Variants in OSBPL9 observed in about 807,000 individuals in gnomAD.
The protein encoded by OSBPL9 is oxysterol binding protein like 9, also known as oxysterol-binding protein-related protein 9.
In OSBPL9, 40 loss-of-function variants were observed where a neutral mutation model predicts 106.6. That is an observed-to-expected ratio of 0.38 (90% CI 0.29 to 0.49). OSBPL9 has a LOEUF of 0.49. OSBPL9 is among the 20% of genes least tolerant of loss of function. The pLI is 0.97. For synonymous variants in OSBPL9, 269 were observed against 295.4 expected, an observed-to-expected ratio of 0.91 and a Z score of 0.92; for missense variants, 609 against 887.2, an observed-to-expected ratio of 0.69 and a Z score of 3.98.
rs555274723 is a variant in OSBPL9 at position 51,740,231 on chromosome 1, G to A, written c.319-5305G>A. ...ATAATTGTAAGTGATTGAATTGTAA[G>A]TATGCTCTATACTTCTTTCATTGGA... is the stretch of plus-strand genomic sequence containing the variant. On this transcript the variant is annotated intron_variant, in intron 4 of 23. Transcript: ENST00000428468. The A allele has an allele frequency of 2.6e-6, 4 of 1,529,142 alleles. No homozygotes were observed. The South Asian group carries it at 3.8e-5, about 14-fold the overall frequency. 94.7% of individuals were successfully genotyped at this position (1,529,142 alleles called of 1,614,324 possible).
intron 2 of OSBPL9, among the ~76,000 whole-genome samples, chr1:51,609,058 C>T (rs1336022599): frequency 6.6e-6 from 1 of 152,050 alleles, no homozygotes; most frequent in Non-Finnish European, 1.5e-5. Context: ...TTCCCCCTTC[C>T]TATCTGTTAA....
At chr1:51,555,862 C>A in the OSBPL9 span, among the ~76,000 whole-genome samples, 1 of 152,174 alleles carries the variant, frequency 6.6e-6, no homozygotes, top group Non-Finnish European at 1.5e-5. Flanking sequence ...TAAGCCACTG[C>A]GCCCAGCCAG....
intron 3 of OSBPL9, among the ~76,000 whole-genome samples, chr1:51,676,454 A>C (rs1163064916): frequency 6.6e-6 from 1 of 151,998 alleles, no homozygotes; most frequent in Non-Finnish European, 1.5e-5. Context: ...TTAATATAAA[A>C]TAAGAAACTT....
chr1:51,749,667 A>G, intron 7 of OSBPL9: 1 of 195,026 alleles, frequency 5.1e-6, no homozygotes, highest in Non-Finnish European at 1.2e-5. Flanking sequence ...AAGAATTCGT[A>G]AGTTAATCAG....
chr1:51,764,721 A>C (rs1169297951), intron 11 of OSBPL9, among the ~76,000 whole-genome samples: 1 of 152,050 alleles, frequency 6.6e-6, no homozygotes, highest in Non-Finnish European at 1.5e-5. Context: ...CTGAGACCAC[A>C]GGCACATGCC....
At chr1:51,622,075 T>C (rs1011826227) in intron 1 of OSBPL9, among the ~76,000 whole-genome samples, 1 of 152,126 alleles carries the variant, frequency 6.6e-6, no homozygotes, top group African/African-American at 2.4e-5. Flanking sequence ...AGGTTGCTTT[T>C]GATGGGATTT....
At chr1:51,712,647 TAAAAATAAAAAAGGA>T (rs1660302986) in intron 3 of OSBPL9, among the ~76,000 whole-genome samples, 1 of 152,114 alleles carries the variant, frequency 6.6e-6, no homozygotes, top group Non-Finnish European at 1.5e-5. Context: ...AAAAAAACCC[TAAAAATAAAAAAGGA>T]AAAAATTATG....
At chr1:51,732,698 G>A (rs536635490) in intron 4 of OSBPL9, among the ~76,000 whole-genome samples, 49 of 152,102 alleles carry the variant, frequency 3.2e-4, no homozygotes, top group Non-Finnish European at 6.2e-4. Flanking sequence ...CTTTTGCAAG[G>A]CTTTCTGACT....
At chr1:51,565,313 A>C in the OSBPL9 span, among the ~76,000 whole-genome samples, 3 of 152,124 alleles carry the variant, frequency 2.0e-5, no homozygotes, top group African/African-American at 7.2e-5. Flanking sequence ...TATGTTCCCC[A>C]AATACTGAAC....
intron 2 of OSBPL9, among the ~76,000 whole-genome samples, chr1:51,663,865 A>G (rs1647758161): frequency 6.6e-6 from 1 of 152,238 alleles, no homozygotes; most frequent in African/African-American, 2.4e-5. Flanking sequence ...AGGATCTTCA[A>G]ATGGTCAGAA....
chr1:51,743,305 AGG>A (rs1667318455), intron 4 of OSBPL9, among the ~76,000 whole-genome samples: 1 of 152,212 alleles, frequency 6.6e-6, no homozygotes, highest in Admixed American at 6.5e-5. Context: ...AGTTAAAAGA[AGG>A]TTATGGAAGA....
intron 3 of OSBPL9, among the ~76,000 whole-genome samples, chr1:51,685,275 G>A (rs1485820550): frequency 6.6e-6 from 1 of 152,122 alleles, no homozygotes; most frequent in Non-Finnish European, 1.5e-5. Context: ...GCAGTTCTCA[G>A]ACCCAGGTTA....
the OSBPL9 span, among the ~76,000 whole-genome samples, chr1:51,545,433 C>T: frequency 5.9e-5 from 9 of 152,002 alleles, no homozygotes; most frequent in East Asian, 5.8e-4. Context: ...ATTATCCAGG[C>T]GTGGTGGCAT....
intron 2 of OSBPL9, among the ~76,000 whole-genome samples, chr1:51,606,277 G>A (rs994865808): frequency 6.6e-6 from 1 of 152,178 alleles, no homozygotes; most frequent in African/African-American, 2.4e-5. Context: ...ATGTGTTGCC[G>A]TGTGTGGCAA....
chr1:51,711,740 A>G (rs1309021736), intron 3 of OSBPL9, among the ~76,000 whole-genome samples: 2 of 133,286 alleles, frequency 1.5e-5, no homozygotes, highest in Non-Finnish European at 1.6e-5. Context: ...AGACGGGGTC[A>G]CGGCCGGGCA....
At chr1:51,710,034 G>C (rs1488873735) in intron 3 of OSBPL9, 2 of 152,204 alleles carry the variant, frequency 1.3e-5, no homozygotes, top group Non-Finnish European at 2.9e-5. Context: ...AAGAAATTCT[G>C]GTCATCTTTG....
At chr1:51,682,819 T>C (rs897894716) in intron 3 of OSBPL9, among the ~76,000 whole-genome samples, 1 of 151,914 alleles carries the variant, frequency 6.6e-6, no homozygotes, top group East Asian at 1.9e-4. Flanking sequence ...CAACTTTATT[T>C]TCCTTTCTAA....
At chr1:51,783,838 T>C (rs1676972802) in intron 17 of OSBPL9, 77 bp from the exon 18 acceptor site, 1 of 1,104,394 alleles carries the variant, frequency 9.1e-7, no homozygotes, top group Non-Finnish European at 1.3e-6. Flanking sequence ...ATGAAGCCAA[T>C]TATTTCCCCA....
rs902973807 is a variant in OSBPL9 at position 51,626,807 on chromosome 1, A to G, written c.111+9586A>G. 3.9e-5 allele frequency among the ~76,000 whole-genome samples: 6 copies of G among 152,132 alleles called. No homozygotes were observed. The East Asian group carries it at 5.8e-4, about 15-fold the overall frequency. On this transcript the variant is annotated intron_variant, in intron 1 of 23. Transcript: ENST00000428468. ...AGTGCTGGGATTACAAGTGTGAGCC[A>G]TGACACCTGGCCATCTTTAATTTTG...
Sources: allele counts gnomAD v4.1 joint callset (sites outside exome capture counted in the v4.1 genomes callset), GRCh38; gene constraint gnomAD v4.1.1; transcripts MANE v1.5; gene names NCBI Gene and HGNC (gene_info 2026-07-23, HGNC 2026-07-21).